Variants in FTCDNL1 observed in about 807,000 individuals in gnomAD.
FTCDNL1 encodes formiminotransferase cyclodeaminase N-terminal like, also known as formiminotransferase N-terminal subdomain-containing protein.
FTCDNL1 carries 11 observed loss-of-function variants against 5.9 expected under a neutral mutation model. That is an observed-to-expected ratio of 1.87 (90% CI 1.18 to 3.10). The LOEUF (loss-of-function observed/expected upper bound fraction) is 3.10, where lower values mean the gene tolerates loss of function less well. FTCDNL1 is among the 30% of genes most tolerant of loss of function. The pLI is 0.00. For synonymous variants in FTCDNL1, 58 were observed against 24.8 expected (o/e 2.34, Z -3.99); for missense variants, 115 against 65.5 (o/e 1.76, Z -2.61).
intron 3 of FTCDNL1, among the ~76,000 whole-genome samples, chr2:199,798,679 G>A (rs1700290458): frequency 6.6e-6 from 1 of 152,186 alleles, no homozygotes; most frequent in African/African-American, 2.4e-5. Context: ...TTCAGAACAA[G>A]AAAGTTAGAC....
chr2:199,748,777 A>T, the FTCDNL1 span, among the ~76,000 whole-genome samples: 1 of 152,152 alleles, frequency 6.6e-6, no homozygotes, highest in Non-Finnish European at 1.5e-5. Flanking sequence ...CTCTCCAGGG[A>T]AGTTTTATAC....
intron 3 of FTCDNL1, among the ~76,000 whole-genome samples, chr2:199,780,316 A>G (rs918855388): frequency 1.3e-5 from 2 of 152,126 alleles, no homozygotes; most frequent in African/African-American, 4.8e-5. Flanking sequence ...GCAAATCCTG[A>G]GGAGGGACTC....
chr2:199,783,362 G>T (rs1457749977), intron 3 of FTCDNL1, among the ~76,000 whole-genome samples: 1 of 152,092 alleles, frequency 6.6e-6, no homozygotes, highest in African/African-American at 2.4e-5. Flanking sequence ...ATTTAGCAGT[G>T]GGGGGTTGTA....
chr2:199,839,487 G>A (rs2076525611), intron 3 of FTCDNL1, among the ~76,000 whole-genome samples: 1 of 152,128 alleles, frequency 6.6e-6, no homozygotes, highest in South Asian at 2.1e-4. Context: ...CCAAATAATG[G>A]GGCTTTTAGA....
At chr2:199,755,510 T>C in the FTCDNL1 span, among the ~76,000 whole-genome samples, 2,549 of 152,344 alleles carry the variant, frequency 0.017, 21 homozygotes, top group Non-Finnish European at 0.027. Flanking sequence ...TCATTTTATG[T>C]CTTTAAGCCT....
chr2:199,768,261 G>T (rs1411789248), intron 3 of FTCDNL1, among the ~76,000 whole-genome samples: 1 of 151,906 alleles, frequency 6.6e-6, no homozygotes. Flanking sequence ...TCTTATATTT[G>T]CATGCCAAAA....
At chr2:199,836,912 G>C (rs962453995) in intron 3 of FTCDNL1, among the ~76,000 whole-genome samples, 1 of 152,178 alleles carries the variant, frequency 6.6e-6, no homozygotes, top group Non-Finnish European at 1.5e-5. Context: ...TTATCCACCA[G>C]CTCTGGTCCC....
At chr2:199,676,823 T>C in the FTCDNL1 span, among the ~76,000 whole-genome samples, 4 of 152,154 alleles carry the variant, frequency 2.6e-5, no homozygotes, top group African/African-American at 4.8e-5. Context: ...TATGTTGTTA[T>C]GTCCCACATG....
chr2:199,720,611 C>T, the FTCDNL1 span, among the ~76,000 whole-genome samples: 1 of 152,190 alleles, frequency 6.6e-6, no homozygotes, highest in East Asian at 1.9e-4. Flanking sequence ...CTGCTTTTAT[C>T]TTCACATGGT....
At chr2:199,736,285 C>G in the FTCDNL1 span, among the ~76,000 whole-genome samples, 2 of 152,286 alleles carry the variant, frequency 1.3e-5, no homozygotes, top group East Asian at 3.9e-4. Context: ...TAAAAACATG[C>G]CTCAGGTTTT....
intron 3 of FTCDNL1, among the ~76,000 whole-genome samples, chr2:199,762,147 G>A (rs574098369): frequency 1.1e-4 from 17 of 152,312 alleles, no homozygotes; most frequent in East Asian, 7.7e-4. Context: ...TTGGGAGGCC[G>A]AGGTGGGTGG....
the FTCDNL1 span, among the ~76,000 whole-genome samples, chr2:199,668,668 A>T: frequency 1.3e-5 from 2 of 152,056 alleles, no homozygotes; most frequent in Admixed American, 1.3e-4. Flanking sequence ...TCAGTTTCCT[A>T]TTATTATTAT....
At chr2:199,839,323 T>C (rs2076519159) in intron 3 of FTCDNL1, among the ~76,000 whole-genome samples, 1 of 152,046 alleles carries the variant, frequency 6.6e-6, no homozygotes, top group Non-Finnish European at 1.5e-5. Context: ...ACAGAGTAAA[T>C]GAAAGCACTT....
the FTCDNL1 span, among the ~76,000 whole-genome samples, chr2:199,708,321 A>G: frequency 6.6e-6 from 1 of 151,838 alleles, no homozygotes; most frequent in Admixed American, 6.6e-5. Context: ...CATATTTTTT[A>G]AATAGCTGTT....
the FTCDNL1 span, among the ~76,000 whole-genome samples, chr2:199,721,424 T>C: frequency 5.9e-5 from 9 of 152,184 alleles, no homozygotes; most frequent in African/African-American, 1.9e-4. Context: ...TCCAGGTCCA[T>C]CCATGTCCCT....
the FTCDNL1 span, among the ~76,000 whole-genome samples, chr2:199,727,565 C>T: frequency 2.6e-5 from 4 of 152,306 alleles, no homozygotes; most frequent in South Asian, 8.3e-4. Context: ...GTTCACCCTA[C>T]TTTTCCTCAC....
At chr2:199,701,972 T>C in the FTCDNL1 span, among the ~76,000 whole-genome samples, 10 of 152,092 alleles carry the variant, frequency 6.6e-5, no homozygotes, top group South Asian at 2.1e-3. Flanking sequence ...AGGGTGGAGG[T>C]TGCAATGATC....
chr2:199,736,883 C>G, the FTCDNL1 span, among the ~76,000 whole-genome samples: 6 of 152,216 alleles, frequency 3.9e-5, no homozygotes, highest in African/African-American at 1.4e-4. Flanking sequence ...TTTGATTGAA[C>G]TGATTAATTC....
the FTCDNL1 span, among the ~76,000 whole-genome samples, chr2:199,692,880 T>C: frequency 6.6e-6 from 1 of 152,258 alleles, no homozygotes; most frequent in Admixed American, 6.5e-5. Context: ...TTGTCTTTGT[T>C]AAAAACCAAA....
Sources: allele counts gnomAD v4.1 joint callset (sites outside exome capture counted in the v4.1 genomes callset), GRCh38; gene constraint gnomAD v4.1.1; transcripts MANE v1.5; gene names NCBI Gene and HGNC (gene_info 2026-07-23, HGNC 2026-07-21).